Variants in POF1B observed in about 807,000 individuals in gnomAD.
POF1B encodes the protein POF1B actin binding protein.
A neutral mutation model predicts 55.3 loss-of-function variants in POF1B; 53 were observed. The ratio of observed to expected loss-of-function variants is 0.96; its 90% CI spans 0.77 to 1.20. The LOEUF is 1.20. POF1B is among the 50% of genes most tolerant of loss of function. The probability of loss-of-function intolerance (pLI) is 0.00; values close to 1 mark genes in which losing one functional copy is unlikely to be tolerated. For synonymous variants in POF1B, 188 were observed against 148.3 expected, an observed-to-expected ratio of 1.27 and a Z score of -1.95; for missense variants, 478 against 420.5, an observed-to-expected ratio of 1.14 and a Z score of -1.20.
In POF1B at chrX:85,355,011, G is replaced by C. The variant is rs1306992417; in HGVS notation, c.439-3560C>G. ...GCCCACATTGCCAAGAGAATCCTAAGCCAAAAGAACAAAGCTGGAGGCATC... is the reference window on the plus strand; with the variant it reads ...GCCCACATTGCCAAGAGAATCCTAACCCAAAAGAACAAAGCTGGAGGCATC... On this transcript the variant is annotated intron_variant, in intron 4 of 16. Coordinates refer to ENST00000262753, the MANE Select transcript of POF1B (RefSeq NM_024921.4). 4.5e-5 allele frequency among the ~76,000 whole-genome samples: 5 copies of C among 111,609 alleles called. No homozygotes were observed. In the East Asian group the frequency reaches 1.4e-3, roughly 32 times the overall value.
chrX:85,338,480 A>G (rs772925048), intron 6 of POF1B, among the ~76,000 whole-genome samples: 1 of 112,152 alleles, frequency 8.9e-6, no homozygotes, highest in South Asian at 3.6e-4. Flanking sequence ...TTTGAGTTGT[A>G]ATTTTATAAT....
chrX:85,318,593 ACCAGTTATC>A (rs778889076), intron 7 of POF1B, among the ~76,000 whole-genome samples: 65 of 111,701 alleles, frequency 5.8e-4, no homozygotes, highest in Non-Finnish European at 6.6e-4. Context: ...CATATGGCTA[ACCAGTTATC>A]CCAGCACCAT....
chrX:85,317,962 C>G (rs1932802189), intron 7 of POF1B, among the ~76,000 whole-genome samples: 1 of 111,511 alleles, frequency 9.0e-6, no homozygotes, highest in East Asian at 2.8e-4. Context: ...AGCAAACTAA[C>G]ACAGGAACAG....
At chrX:85,310,381 C>A (rs1932669533) in intron 9 of POF1B, among the ~76,000 whole-genome samples, 1 of 111,363 alleles carries the variant, frequency 9.0e-6, no homozygotes, top group Non-Finnish European at 1.9e-5. Context: ...ATAAAGAATA[C>A]CTAAATGGAA....
At chrX:85,301,619 A>C (rs1932458877) in intron 15 of POF1B, among the ~76,000 whole-genome samples, 2 of 111,630 alleles carry the variant, frequency 1.8e-5, no homozygotes, top group African/African-American at 3.3e-5. Flanking sequence ...GGTAAATATT[A>C]ATTAAATTTC....
chrX:85,352,898 A>C (rs1426572335), intron 4 of POF1B, among the ~76,000 whole-genome samples: 1 of 111,639 alleles, frequency 9.0e-6, no homozygotes, highest in Non-Finnish European at 1.9e-5. Flanking sequence ...TAGATTTTAA[A>C]GGACTATAAA....
chrX:85,365,092 C>A (rs1229038648), intron 3 of POF1B, among the ~76,000 whole-genome samples: 2 of 111,616 alleles, frequency 1.8e-5, no homozygotes, highest in Non-Finnish European at 3.8e-5. Context: ...TGTGTTTTTT[C>A]AGCTCTATCA....
intron 16 of POF1B, among the ~76,000 whole-genome samples, chrX:85,280,079 G>T (rs1931864938): frequency 9.0e-6 from 1 of 111,011 alleles, no homozygotes; most frequent in African/African-American, 3.3e-5. Flanking sequence ...TTTACTTTGG[G>T]ATTACTAAAC....
intron 15 of POF1B, among the ~76,000 whole-genome samples, chrX:85,284,642 T>C (rs1931997689): frequency 1.0e-5 from 1 of 98,910 alleles, no homozygotes; most frequent in African/African-American, 4.3e-5. Context: ...TTACACCTTA[T>C]ACAAAAATTA....
rs1931819983 is a variant in POF1B, at chrX:85,278,141, G to T, written c.*1280C>A. 1 of 110,910 alleles carries T rather than the reference G, an allele frequency of 9.0e-6. No homozygotes were observed. The highest frequency in any genetic ancestry group is 9.7e-5 in the Admixed American group (1 of 10,350). 9.1% of individuals were successfully genotyped at this position (110,910 alleles called of 1,213,427 possible). A position where few individuals can be genotyped will look rare whatever the true frequency, so the allele number is the denominator to read the frequency against. ...GACCTATTTGAACACTTCTAGAAAA[G>T]AACATTAAAAGTTTTTTCCTCATTT... On this transcript the variant is annotated 3_prime_UTR_variant, in exon 17 of 17. Coordinates refer to ENST00000262753, the MANE Select transcript of POF1B (RefSeq NM_024921.4).
At chrX:85,321,471 C>T (rs1932836968) in intron 7 of POF1B, among the ~76,000 whole-genome samples, 1 of 109,242 alleles carries the variant, frequency 9.2e-6, no homozygotes, top group Non-Finnish European at 1.9e-5. Context: ...CTATGACAAA[C>T]CCACAGCCAA....
intron 15 of POF1B, among the ~76,000 whole-genome samples, chrX:85,293,976 A>AT (rs943119718): frequency 1.1e-4 from 12 of 106,211 alleles, no homozygotes; most frequent in African/African-American, 4.2e-4. Flanking sequence ...TCTGTCAAAA[A>AT]AAAAAAATAA....
At chrX:85,303,902 C>T (rs910535192) in intron 14 of POF1B, among the ~76,000 whole-genome samples, 10 of 111,269 alleles carry the variant, frequency 9.0e-5, no homozygotes, top group African/African-American at 2.3e-4. Flanking sequence ...TTACTACAAG[C>T]ACCATTTGCT....
intron 2 of POF1B, among the ~76,000 whole-genome samples, chrX:85,376,778 C>T (rs926408934): frequency 1.3e-4 from 14 of 110,897 alleles, no homozygotes; most frequent in African/African-American, 4.2e-4. Flanking sequence ...TTGATTAAAT[C>T]GAAAATGCCT....
At chrX:85,355,959 G>T (rs1185789846) in intron 4 of POF1B, among the ~76,000 whole-genome samples, 1 of 111,443 alleles carries the variant, frequency 9.0e-6, no homozygotes, top group African/African-American at 3.3e-5. Flanking sequence ...CCATTACTGG[G>T]TATATACCCA....
chrX:85,311,934 T>G (rs1932711323), intron 9 of POF1B, among the ~76,000 whole-genome samples: 1 of 112,513 alleles, frequency 8.9e-6, no homozygotes, highest in African/African-American at 3.2e-5. Flanking sequence ...CCAGTGATGA[T>G]GAGCATTTTT....
At chrX:85,353,729 T>C (rs1933432607) in intron 4 of POF1B, among the ~76,000 whole-genome samples, 1 of 111,242 alleles carries the variant, frequency 9.0e-6, no homozygotes, top group Non-Finnish European at 1.9e-5. Flanking sequence ...AGTGCAAGGC[T>C]ACAGATCTAT....
At chrX:85,282,083 CAG>C (rs1245012797) in intron 16 of POF1B, 118 bp downstream of exon 16, 28 of 897,820 alleles carry the variant, frequency 3.1e-5, no homozygotes, top group Middle Eastern at 9.1e-4. Context: ...ATAATGGAAA[CAG>C]AAAATCTCAA....
At chrX:85,298,127 C>T (rs938044298) in intron 15 of POF1B, among the ~76,000 whole-genome samples, 1 of 112,233 alleles carries the variant, frequency 8.9e-6, no homozygotes, top group Non-Finnish European at 1.9e-5. Flanking sequence ...GACTGTCAGG[C>T]CAATCAGTGG....
Sources: gnomAD v4.1 joint callset for allele counts (sites outside exome capture counted in the v4.1 genomes callset) on GRCh38, gnomAD v4.1.1 for gene constraint, MANE v1.5 for transcripts, NCBI Gene and HGNC (gene_info 2026-07-23, HGNC 2026-07-21) for gene names.